The following CDH13 variants were observed in gnomAD, a reference collection of about 807,000 sequenced individuals.
The protein encoded by CDH13 is cadherin 13.
Under a neutral mutation model 63.8 loss-of-function variants are expected in CDH13, and 24 were observed. The observed-to-expected ratio is 0.38, with a 90% CI of 0.27 to 0.53. CDH13 has a LOEUF of 0.53. Among genes scored for constraint, CDH13 ranks in the 20% least tolerant of loss-of-function variants. The pLI is 0.85. For missense variants in CDH13, 1,049 were observed against 903.1 expected, an observed-to-expected ratio of 1.16 and a Z score of -2.07; for synonymous variants, 503 against 355.3, an observed-to-expected ratio of 1.42 and a Z score of -4.67.
At chr16:83,490,424 G>A (rs888228578) in intron 7 of CDH13, among the ~76,000 whole-genome samples, 1 of 152,160 alleles carries the variant, frequency 6.6e-6, no homozygotes, top group African/African-American at 2.4e-5. Flanking sequence ...TCCTTACTAT[G>A]TTGTCACTTT....
chr16:83,386,583 T>G (rs2091679479), intron 6 of CDH13, among the ~76,000 whole-genome samples: 1 of 152,126 alleles, frequency 6.6e-6, no homozygotes, highest in African/African-American at 2.4e-5. Context: ...TTGAGGACTC[T>G]AGGAGGCAGG....
chr16:83,316,272 G>T (rs1188187922), intron 5 of CDH13, among the ~76,000 whole-genome samples: 1 of 152,290 alleles, frequency 6.6e-6, no homozygotes, highest in South Asian at 2.1e-4. Flanking sequence ...GTGAGATTTA[G>T]GTGTGTGACA....
intron 1 of CDH13, among the ~76,000 whole-genome samples, chr16:82,647,512 C>T (rs11863510): frequency 0.19 from 28,692 of 152,028 alleles, 3,295 homozygotes; most frequent in African/African-American, 0.32. Context: ...AGGTACTGCT[C>T]TGGGTGTCTG....
chr16:83,258,840 C>G (rs1906617543), intron 5 of CDH13, among the ~76,000 whole-genome samples: 1 of 152,234 alleles, frequency 6.6e-6, no homozygotes. Context: ...AGTCCTTATA[C>G]TCTCATTTGA....
chr16:83,066,586 C>A (rs56089360), intron 3 of CDH13, among the ~76,000 whole-genome samples: 6,790 of 152,256 alleles, frequency 0.045, 209 homozygotes, highest in Middle Eastern at 0.078. Context: ...TGACAAGGAC[C>A]AGGAAACTCA....
intron 13 of CDH13, among the ~76,000 whole-genome samples, chr16:83,790,786 C>T (rs1042466292): frequency 2.0e-5 from 3 of 152,146 alleles, no homozygotes; most frequent in African/African-American, 2.4e-5. Context: ...TGAGGCAAGC[C>T]GGCATTGCCA....
chr16:83,487,378 T>A (rs1004315640), intron 7 of CDH13, among the ~76,000 whole-genome samples: 1 of 152,240 alleles, frequency 6.6e-6, no homozygotes, highest in African/African-American at 2.4e-5. Flanking sequence ...TCAGGTCCAC[T>A]TTCCACATGT....
intron 2 of CDH13, among the ~76,000 whole-genome samples, chr16:82,897,567 A>G (rs2041311174): frequency 6.6e-6 from 1 of 152,230 alleles, no homozygotes; most frequent in Non-Finnish European, 1.5e-5. Context: ...TAGATGAGGA[A>G]AATAAGCCTC....
chr16:83,322,176 T>A (rs115302251), intron 5 of CDH13, among the ~76,000 whole-genome samples: 184 of 152,308 alleles, frequency 1.2e-3, no homozygotes, highest in African/African-American at 4.0e-3. Flanking sequence ...AACTGAGGCC[T>A]CCAGCTACAG....
chr16:83,468,821 G>C (rs931774123), intron 6 of CDH13, among the ~76,000 whole-genome samples: 2 of 152,158 alleles, frequency 1.3e-5, no homozygotes, highest in African/African-American at 4.8e-5. Flanking sequence ...TCTTACATAG[G>C]TAAACGTGTG....
intron 6 of CDH13, among the ~76,000 whole-genome samples, chr16:83,380,625 G>C (rs529575861): frequency 6.6e-6 from 1 of 152,156 alleles, no homozygotes; most frequent in Non-Finnish European, 1.5e-5. Context: ...ACCATTCTCA[G>C]CACGTAGATT....
intron 6 of CDH13, among the ~76,000 whole-genome samples, chr16:83,475,035 G>T (rs572004125): frequency 6.6e-6 from 1 of 152,222 alleles, no homozygotes; most frequent in South Asian, 2.1e-4. Context: ...CAGGCCTTCC[G>T]CCATCTGGCT....
intron 5 of CDH13, among the ~76,000 whole-genome samples, chr16:83,269,465 T>C (rs78103000): frequency 0.093 from 14,219 of 152,222 alleles, 920 homozygotes; most frequent in Non-Finnish European, 0.14. Context: ...GATACAAAGA[T>C]GCAGTCTGTT....
At chr16:82,784,352 C>T (rs2035903162) in intron 1 of CDH13, among the ~76,000 whole-genome samples, 2 of 152,308 alleles carry the variant, frequency 1.3e-5, no homozygotes, top group South Asian at 2.1e-4. Flanking sequence ...AAGTGGCAGA[C>T]ATTGTCCCCA....
At chr16:83,548,666 A>G (rs1432964944) in intron 7 of CDH13, among the ~76,000 whole-genome samples, 1 of 152,172 alleles carries the variant, frequency 6.6e-6, no homozygotes, top group Non-Finnish European at 1.5e-5. Flanking sequence ...ATTTGGAGAC[A>G]TCCAAGTGAG....
At chr16:82,984,653 T>C (rs779253126) in intron 2 of CDH13, among the ~76,000 whole-genome samples, 3 of 152,180 alleles carry the variant, frequency 2.0e-5, no homozygotes, top group Admixed American at 1.3e-4. Flanking sequence ...CAGCTATGAT[T>C]CCCGCTTTAC....
chr16:82,759,255 C>T, intron 1 of CDH13, among the ~76,000 whole-genome samples: 1 of 152,178 alleles, frequency 6.6e-6, no homozygotes, highest in East Asian at 1.9e-4. Context: ...TCTCCCTTCT[C>T]TGCCTCATTT....
chr16:83,606,611 C>T (rs1052868702), intron 8 of CDH13, among the ~76,000 whole-genome samples: 2 of 151,708 alleles, frequency 1.3e-5, no homozygotes, highest in African/African-American at 2.4e-5. Context: ...CATGTAGTCC[C>T]AGCTACCTGG....
At chr16:82,685,661 CA>C (rs1914991308) in intron 1 of CDH13, among the ~76,000 whole-genome samples, 1 of 150,760 alleles carries the variant, frequency 6.6e-6, no homozygotes, top group South Asian at 2.1e-4. Context: ...GCTTTGTACA[CA>C]AGGCAGAGTT....
Sources: allele counts gnomAD v4.1 joint callset (sites outside exome capture counted in the v4.1 genomes callset), GRCh38; gene constraint gnomAD v4.1.1; transcripts MANE v1.5; gene names NCBI Gene and HGNC (gene_info 2026-07-23, HGNC 2026-07-21).